The following SLC26A3 variants were observed in gnomAD, a reference collection of about 807,000 sequenced individuals.
SLC26A3 encodes the protein chloride anion exchanger.
In SLC26A3, 64 loss-of-function variants were observed where a neutral mutation model predicts 85.6. The observed-to-expected ratio is 0.75, with a 90% confidence interval of 0.61 to 0.92. The LOEUF is 0.92. Ranked by LOEUF, SLC26A3 falls within the 40% of genes least tolerant of loss-of-function variation. The pLI, the probability that SLC26A3 is intolerant of heterozygous loss-of-function variation, is 0.00. For synonymous variants in SLC26A3, 349 were observed against 336.0 expected, an observed-to-expected ratio of 1.04 and a Z score of -0.42; for missense variants, 922 against 927.3, an observed-to-expected ratio of 0.99 and a Z score of 0.07.
chr7:107,801,616 G>A lies in SLC26A3; in HGVS notation c.-89+1495C>T, dbSNP rs548256802. On this transcript the variant is annotated intron_variant, in intron 1 of 20. Transcript: ENST00000340010. ...AAATATTCATTCTCATTTTCTGAAC[G>A]ATTTTGTTTCTTAGTCGAATATGAG... 3.3e-5 allele frequency among the ~76,000 whole-genome samples: 5 copies of A among 152,088 alleles called. No individual in the cohort carries two copies. The South Asian group carries it at 6.2e-4, about 19-fold the overall frequency.
chr7:107,800,463 TGTA>T (rs1284547411), intron 1 of SLC26A3, among the ~76,000 whole-genome samples: 1 of 150,592 alleles, frequency 6.6e-6, no homozygotes, highest in Non-Finnish European at 1.5e-5. Context: ...AAGAAAATGA[TGTA>T]AAGCCTTCAT....
At position 107,787,525 on chromosome 7, in the gene SLC26A3, C is replaced by G; in HGVS notation, c.736-16G>C. ...AGTATAGTACCTACAATTATAAAAA[C>G]AAAAACCACCAAAGCCCTATATTAA... On this transcript the variant is annotated splice_polypyrimidine_tract_variant and intron_variant, in intron 6 of 20. Coordinates refer to ENST00000340010, the MANE Select transcript of SLC26A3 (RefSeq NM_000111.3). 6.2e-7 allele frequency: 1 copy of G among 1,607,148 alleles called. No homozygotes were observed. The highest frequency in any genetic ancestry group is 8.5e-7 in the Non-Finnish European group (1 of 1,176,470).
At chr7:107,792,203 G>C (rs1584411865) in intron 3 of SLC26A3, among the ~76,000 whole-genome samples, 1 of 152,250 alleles carries the variant, frequency 6.6e-6, no homozygotes, top group East Asian at 1.9e-4. Flanking sequence ...AACCTTTTTG[G>C]CACCAGAGAC....
chr7:107,799,582 G>C (rs926804238), intron 1 of SLC26A3, among the ~76,000 whole-genome samples: 2 of 152,116 alleles, frequency 1.3e-5, no homozygotes, highest in African/African-American at 4.8e-5. Context: ...AGTAGAGATG[G>C]AGTTTCGCCA....
chr7:107,781,144 G>T (rs575342788), intron 11 of SLC26A3, among the ~76,000 whole-genome samples: 3 of 152,162 alleles, frequency 2.0e-5, no homozygotes, highest in Admixed American at 6.5e-5. Context: ...AGATTACAGA[G>T]CATTAAGAAA....
intron 6 of SLC26A3, among the ~76,000 whole-genome samples, chr7:107,788,784 C>CTTTTTTTTTTTTTTTTTTTT (rs71861759): frequency 2.8e-5 from 3 of 108,062 alleles, no homozygotes; most frequent in African/African-American, 6.9e-5. Flanking sequence ...TTTTTCTTTT[C>CTTTTTTTTTTTTTTTTTTTT]TTTTTTTTTT....
At chr7:107,783,141 T>A in intron 9 of SLC26A3, 48 bp from the exon 10 acceptor site, 1 of 1,613,526 alleles carries the variant, frequency 6.2e-7, no homozygotes, top group Middle Eastern at 1.7e-4. Flanking sequence ...GCACCATTGA[T>A]ATTATGTGTG....
chr7:107,775,256 G>A (rs906620763), intron 15 of SLC26A3, among the ~76,000 whole-genome samples: 1 of 151,906 alleles, frequency 6.6e-6, no homozygotes, highest in African/African-American at 2.4e-5. Flanking sequence ...CTGCTTGTAT[G>A]TAATTTTTAT....
chr7:107,777,939 A>C (rs1488419274), intron 13 of SLC26A3, among the ~76,000 whole-genome samples: 1 of 152,256 alleles, frequency 6.6e-6, no homozygotes, highest in Non-Finnish European at 1.5e-5. Context: ...CTGGAGTCAA[A>C]GCCAGAAGCA....
Position 107,783,008 on chromosome 7 carries a change from A to T in SLC26A3, c.1205T>A (p.Val402Asp). The change falls in exon 10 of 21, where the codon GTT (valine) becomes GAT (aspartate). Residue 402 changes from valine to aspartate, a missense_variant. Transcript: ENST00000340010. ...AGSTALSRSA[V>D]QESTGGKTQI... The stretch of plus-strand genomic sequence containing the variant: ...TGTTTTGCCTCCTGTGCTCTCCTGA[A>T]CTGCTGATCTGGAGAGGGCAGTACT... 4 of 1,614,126 alleles carry T rather than the reference A, an allele frequency of 2.5e-6. No individual in the cohort carries two copies. The highest frequency in any genetic ancestry group is 3.4e-6 in the Non-Finnish European group (4 of 1,179,976).
chr7:107,790,791 T>C (rs1378720439), intron 5 of SLC26A3, among the ~76,000 whole-genome samples: 1 of 142,456 alleles, frequency 7.0e-6, no homozygotes, highest in Non-Finnish European at 1.5e-5. Context: ...GCATTTCGCT[T>C]GTCACTGTTT....
In SLC26A3 at chr7:107,783,287, A is replaced by T. The variant is rs1754358056; in HGVS notation, c.1037T>A (p.Ile346Asn). The change falls in exon 9 of 21, where the codon ATC (isoleucine) becomes AAC (asparagine). Residue 346 changes from isoleucine to asparagine, a missense_variant. Ile to Asn is a moderately radical substitution (Grantham distance 149). Coordinates refer to ENST00000340010, the MANE Select transcript of SLC26A3 (RefSeq NM_000111.3). ...FQNTVGDCFG[I>N]AMVAFAVAFS... The stretch of plus-strand genomic sequence containing the variant: ...GGCCACTGCAAATGCAACCATTGCG[A>T]TGCCGAAGCAATCTCCTACGGTGTT... 6.2e-7 allele frequency: 1 copy of T among 1,614,218 alleles called. No homozygotes were observed. Among genetic ancestry groups the T allele is most frequent in the Non-Finnish European group, 8.5e-7 (1 of 1,180,012 alleles).
At chr7:107,787,227 T>G (rs1794312048) in intron 7 of SLC26A3, 130 bp downstream of exon 7, 1 of 930,798 alleles carries the variant, frequency 1.1e-6, no homozygotes. Context: ...AAAACCATGC[T>G]AAACATTATG....
At chr7:107,784,518 A>G (rs1794261131) in intron 8 of SLC26A3, among the ~76,000 whole-genome samples, 1 of 152,166 alleles carries the variant, frequency 6.6e-6, no homozygotes, top group South Asian at 2.1e-4. Flanking sequence ...TGCAACCTCC[A>G]CTGTCCAGGC....
chr7:107,778,769 C>G (rs2115829300), intron 12 of SLC26A3, among the ~76,000 whole-genome samples: 1 of 152,096 alleles, frequency 6.6e-6, no homozygotes, highest in Non-Finnish European at 1.5e-5. Flanking sequence ...GTGGGAGGAT[C>G]ACTTGAGGCC....
chr7:107,775,283 A>T (rs1794091926), intron 15 of SLC26A3, among the ~76,000 whole-genome samples: 1 of 152,098 alleles, frequency 6.6e-6, no homozygotes, highest in African/African-American at 2.4e-5. Flanking sequence ...AAAATTTATA[A>T]TGGTATGTTA....
chr7:107,771,704 G>T (rs915779010), intron 18 of SLC26A3, among the ~76,000 whole-genome samples: 1 of 152,186 alleles, frequency 6.6e-6, no homozygotes, highest in African/African-American at 2.4e-5. Context: ...TCATCAGCAG[G>T]TGAAGCTCAA....
intron 12 of SLC26A3, among the ~76,000 whole-genome samples, chr7:107,778,974 G>C (rs1562877179): frequency 6.6e-6 from 1 of 152,152 alleles, no homozygotes; most frequent in Non-Finnish European, 1.5e-5. Flanking sequence ...CTGGGTGACA[G>C]AGGGAGATCC....
intron 3 of SLC26A3, among the ~76,000 whole-genome samples, chr7:107,792,514 A>G (rs907035762): frequency 4.0e-5 from 6 of 151,872 alleles, no homozygotes; most frequent in African/African-American, 1.5e-4. Context: ...TAGGGTTTGC[A>G]CTCCTATGAG....
Sources: gnomAD v4.1 joint callset for allele counts (sites outside exome capture counted in the v4.1 genomes callset) on GRCh38, gnomAD v4.1.1 for gene constraint, MANE v1.5 for transcripts, NCBI Gene and HGNC (gene_info 2026-07-23, HGNC 2026-07-21) for gene names.